The following BYSL variants were observed in gnomAD, a reference collection of about 807,000 sequenced individuals.
BYSL encodes bystin.
BYSL carries 21 observed loss-of-function variants against 45.4 expected under a neutral mutation model. The ratio of observed to expected loss-of-function variants is 0.46; its 90% CI spans 0.33 to 0.67. The LOEUF (loss-of-function observed/expected upper bound fraction) is 0.67. Among genes scored for constraint, BYSL ranks in the 30% least tolerant of loss-of-function variants. BYSL has a pLI of 0.02. For synonymous variants in BYSL, 215 were observed against 231.3 expected, an observed-to-expected ratio of 0.93 and a Z score of 0.64; for missense variants, 522 against 578.5, an observed-to-expected ratio of 0.90 and a Z score of 1.00.
the BYSL span, chr6:41,909,201 A>T: frequency 1.3e-6 from 2 of 1,537,802 alleles, no homozygotes; most frequent in Non-Finnish European, 8.7e-7. Flanking sequence ...AGAACTGGAA[A>T]ATCTTCAGAG....
At chr6:41,927,168 T>C (rs921644341) in intron 1 of BYSL, among the ~76,000 whole-genome samples, 1 of 152,184 alleles carries the variant, frequency 6.6e-6, no homozygotes, top group South Asian at 2.1e-4. Context: ...ATTGCTTTTC[T>C]TATTGTTTCC....
At chr6:41,909,474 A>T in the BYSL span, 1 of 1,614,258 alleles carries the variant, frequency 6.2e-7, no homozygotes, top group Non-Finnish European at 8.5e-7. Flanking sequence ...GAAACAGCTC[A>T]ATGGGTACTC....
chr6:41,915,237 C>A, the BYSL span, among the ~76,000 whole-genome samples: 341 of 151,814 alleles, frequency 2.2e-3, 2 homozygotes, highest in African/African-American at 7.9e-3. Context: ...AGTTTGACAC[C>A]AGCTACTTGA....
intron 2 of BYSL, 55 bp from the exon 3 acceptor site, chr6:41,930,077 G>T: frequency 6.2e-7 from 1 of 1,605,734 alleles, no homozygotes; most frequent in South Asian, 1.1e-5. Context: ...CCTGGACAGT[G>T]ACCACAGTGC....
the BYSL span, chr6:41,909,359 C>A: frequency 6.2e-7 from 1 of 1,614,182 alleles, no homozygotes; most frequent in Non-Finnish European, 8.5e-7. Context: ...TGCCCCGGGT[C>A]TCAATCTTGC....
chr6:41,925,702 CAG>C (rs1200609189), intron 1 of BYSL, among the ~76,000 whole-genome samples: 2 of 143,958 alleles, frequency 1.4e-5, no homozygotes, highest in African/African-American at 2.6e-5. Flanking sequence ...TTTTTTGAGA[CAG>C]AGTTTTGCTG....
chr6:41,925,836 G>C (rs180676966), intron 1 of BYSL, among the ~76,000 whole-genome samples: 1 of 151,852 alleles, frequency 6.6e-6, no homozygotes. Context: ...ATAGGCATGC[G>C]CCACCAAGCC....
chr6:41,929,523 G>A (rs771945482), intron 2 of BYSL, among the ~76,000 whole-genome samples: 2 of 152,140 alleles, frequency 1.3e-5, no homozygotes, highest in Admixed American at 1.3e-4. Flanking sequence ...ATACACTTCA[G>A]CAGCCTCTGA....
At chr6:41,917,815 G>C, upstream of BYSL, 2 of 470,836 alleles carry the variant, frequency 4.2e-6, no homozygotes, top group South Asian at 1.5e-5. Flanking sequence ...AACTTGAGCT[G>C]TTCAGCACAG....
At chr6:41,920,963 A>G (rs773172631), upstream of BYSL, 7 of 1,598,648 alleles carry the variant, frequency 4.4e-6, no homozygotes, top group South Asian at 5.6e-5. Context: ...CCGGCCTTTC[A>G]CAACTCCAAG....
At chr6:41,924,557 C>A (rs942063658) in intron 1 of BYSL, among the ~76,000 whole-genome samples, 3 of 152,208 alleles carry the variant, frequency 2.0e-5, no homozygotes, top group African/African-American at 2.4e-5. Context: ...GCACCCCGAA[C>A]AGTGCCTCAC....
At chr6:41,918,632 T>C (rs187808763), upstream of BYSL, among the ~76,000 whole-genome samples, 2 of 150,582 alleles carry the variant, frequency 1.3e-5, no homozygotes, top group East Asian at 4.0e-4. Flanking sequence ...GCTAACACGG[T>C]GAAACCCCGT....
chr6:41,923,796 A>G (rs1184276835), intron 1 of BYSL, among the ~76,000 whole-genome samples: 1 of 152,154 alleles, frequency 6.6e-6, no homozygotes, highest in Non-Finnish European at 1.5e-5. Flanking sequence ...ACAATGCACT[A>G]TATGATCTGC....
chr6:41,930,358 A>G (rs2479726), intron 3 of BYSL, 88 bp downstream of exon 3: 1,107,672 of 1,500,618 alleles, frequency 0.74, 411,079 homozygotes, highest in African/African-American at 0.94. Context: ...TGCCTGCATC[A>G]CATACTAAAG....
chr6:41,911,495 T>C, the BYSL span, among the ~76,000 whole-genome samples: 4 of 151,858 alleles, frequency 2.6e-5, no homozygotes, highest in Non-Finnish European at 4.4e-5. Flanking sequence ...ATAAAACAAG[T>C]TATTACCGAG....
At position 41,927,196 on chromosome 6, in the gene BYSL, T is replaced by C. The variant is rs545196915; in HGVS notation, c.269-178T>C. 3.3e-5 allele frequency among the ~76,000 whole-genome samples: 5 copies of C among 152,342 alleles called. No individual in the cohort carries two copies. In the South Asian group the frequency reaches 1.0e-3, roughly 32 times the overall value. The stretch of plus-strand genomic sequence containing the variant: ...TTGTTTCCTGTATATACATTTTGTT[T>C]CTCAAGCATGATTGCAAGCCCCTGG... On this transcript the variant is annotated intron_variant, in intron 1 of 6. Transcript: ENST00000230340.
intron 1 of BYSL, among the ~76,000 whole-genome samples, chr6:41,926,002 G>T (rs1775559110): frequency 6.6e-6 from 1 of 152,134 alleles, no homozygotes; most frequent in Non-Finnish European, 1.5e-5. Flanking sequence ...GTATTTAAAT[G>T]GACTGGTGGA....
chr6:41,928,813 G>A (rs1012585309), intron 2 of BYSL, among the ~76,000 whole-genome samples: 2 of 152,168 alleles, frequency 1.3e-5, no homozygotes, highest in Non-Finnish European at 2.9e-5. Flanking sequence ...ATTAACCTGA[G>A]GCCCAGTTCC....
Position 41,932,823 on chromosome 6 carries a change from A to G in BYSL, c.*117A>G, listed in dbSNP as rs1775660869. Reference sequence around the variant, plus strand: ...AAGACCCAGATCAGGGCAGTGACAGATCACAGGGACATCTGTGGCTCCCAG... The same window carrying G: ...AAGACCCAGATCAGGGCAGTGACAGGTCACAGGGACATCTGTGGCTCCCAG... On this transcript the variant is annotated 3_prime_UTR_variant, in exon 7 of 7. Transcript: ENST00000230340. This position sits in a 1 kb window ranked among gnomAD's most constrained non-coding sequence, Gnocchi z 4.7. 2.7e-6 allele frequency: 3 copies of G among 1,100,766 alleles called. No homozygotes were observed. Among genetic ancestry groups the G allele is most frequent in the Non-Finnish European group, 3.8e-6 (3 of 784,462 alleles). 68.2% of individuals were successfully genotyped at this position (1,100,766 alleles called of 1,614,324 possible).
Sources: gnomAD v4.1 joint callset for allele counts (sites outside exome capture counted in the v4.1 genomes callset) on GRCh38, gnomAD v4.1.1 for gene constraint, Gnocchi (gnomAD v3.1) non-coding constraint, MANE v1.5 for transcripts, NCBI Gene and HGNC (gene_info 2026-07-23, HGNC 2026-07-21) for gene names.